Variants in PPP2R2B observed in about 807,000 individuals in gnomAD.
PPP2R2B encodes the protein protein phosphatase 2 regulatory subunit Bbeta, also known as serine/threonine-protein phosphatase 2A 55 kDa regulatory subunit B beta isoform.
In PPP2R2B, 5 loss-of-function variants were observed where a neutral mutation model predicts 46.0. That is an observed-to-expected ratio of 0.11 (90% CI 0.06 to 0.23). The LOEUF (loss-of-function observed/expected upper bound fraction) is 0.23. Among genes scored for constraint, PPP2R2B ranks in the 10% least tolerant of loss-of-function variants. The pLI, the probability that PPP2R2B is intolerant of heterozygous loss-of-function variation, is 1.00. For missense variants in PPP2R2B, 367 were observed against 575.0 expected, an observed-to-expected ratio of 0.64 and a Z score of 3.70; for synonymous variants, 215 against 206.7, an observed-to-expected ratio of 1.04 and a Z score of -0.34.
Position 146,585,968 on chromosome 5 carries a change from C to T in PPP2R2B, c.*3979G>A, listed in dbSNP as rs1039973839. 2.6e-5 allele frequency: 4 copies of T among 152,144 alleles called. No homozygotes were observed. The highest frequency in any genetic ancestry group is 4.4e-5 in the Non-Finnish European group (3 of 68,048). 9.4% of individuals were successfully genotyped at this position (152,144 alleles called of 1,614,324 possible). A position where few individuals can be genotyped will look rare whatever the true frequency, so the allele number is the denominator to read the frequency against. ...CTGTCTCCCAGTCTCATCCTTTTTC[C>T]ACTGACCAGGTTGGTTGCTCCCTTG... is the stretch of plus-strand genomic sequence containing the variant. On this transcript the variant is annotated 3_prime_UTR_variant, in exon 10 of 10. Coordinates refer to ENST00000394411, the MANE Select transcript of PPP2R2B (RefSeq NM_181675.4).
intron 2 of PPP2R2B, among the ~76,000 whole-genome samples, chr5:146,767,608 AAAAATTGAGTACAAGCTATAGAG>A (rs763661498): frequency 1.3e-5 from 2 of 152,126 alleles, no homozygotes; most frequent in Non-Finnish European, 2.9e-5. Context: ...AAGTTCACAG[AAAAATTGAGTACAAGCTATAGAG>A]ATTTCCCATA....
chr5:146,791,220 C>A (rs1010014182), intron 2 of PPP2R2B, among the ~76,000 whole-genome samples: 3 of 152,154 alleles, frequency 2.0e-5, no homozygotes, highest in Non-Finnish European at 4.4e-5. Flanking sequence ...CACACCATAT[C>A]TTACATTAGC....
At chr5:146,961,690 C>T (rs1752179310) in intron 1 of PPP2R2B, among the ~76,000 whole-genome samples, 1 of 152,064 alleles carries the variant, frequency 6.6e-6, no homozygotes. Flanking sequence ...ATTTTTATAG[C>T]CTGAAATTTG....
At chr5:146,902,216 T>C (rs772911902) in intron 1 of PPP2R2B, among the ~76,000 whole-genome samples, 15 of 152,112 alleles carry the variant, frequency 9.9e-5, no homozygotes, top group Non-Finnish European at 1.6e-4. Context: ...TTTCCAAATA[T>C]TTATTGAAAA....
chr5:146,877,865 C>T, intron 2 of PPP2R2B, 137 bp downstream of exon 2: 4 of 1,034,902 alleles, frequency 3.9e-6, no homozygotes, highest in Admixed American at 2.8e-5. Context: ...CTGGGGCTGC[C>T]GGGGCCAGCC....
intron 1 of PPP2R2B, among the ~76,000 whole-genome samples, chr5:147,049,751 G>A (rs1011814043): frequency 2.2e-4 from 34 of 152,232 alleles, no homozygotes; most frequent in African/African-American, 8.2e-4. Flanking sequence ...GAGGGCTGCA[G>A]TGGGAAGAGG....
intron 2 of PPP2R2B, among the ~76,000 whole-genome samples, chr5:146,737,733 T>C (rs931494263): frequency 4.6e-5 from 7 of 152,178 alleles, no homozygotes; most frequent in Non-Finnish European, 2.9e-5. Context: ...TCAGGTGTTA[T>C]ATTTATGGTG....
chr5:146,827,265 A>G (rs543349176), intron 2 of PPP2R2B, among the ~76,000 whole-genome samples: 1 of 152,198 alleles, frequency 6.6e-6, no homozygotes, highest in African/African-American at 2.4e-5. Flanking sequence ...CTCCTAAGTG[A>G]ATTTATTTTA....
chr5:146,975,870 C>T (rs916140164), intron 1 of PPP2R2B, among the ~76,000 whole-genome samples: 1 of 151,958 alleles, frequency 6.6e-6, no homozygotes, highest in South Asian at 2.1e-4. Context: ...ACATATTCTG[C>T]ATATTGATCC....
chr5:146,644,927 C>T (rs1027685360), intron 6 of PPP2R2B, among the ~76,000 whole-genome samples: 2 of 152,186 alleles, frequency 1.3e-5, no homozygotes, highest in Non-Finnish European at 2.9e-5. Context: ...CTAATACTGA[C>T]ATGCGTATTT....
intron 1 of PPP2R2B, among the ~76,000 whole-genome samples, chr5:147,042,951 T>A (rs1252286844): frequency 1.3e-5 from 2 of 151,806 alleles, no homozygotes; most frequent in Non-Finnish European, 1.5e-5. Context: ...CAGCAATGAG[T>A]CCAGTGTGGC....
intron 1 of PPP2R2B, among the ~76,000 whole-genome samples, chr5:146,967,859 G>A (rs1481509631): frequency 4.6e-5 from 7 of 152,092 alleles, no homozygotes; most frequent in East Asian, 1.9e-4. Flanking sequence ...AAGAGAGACC[G>A]ACTCAGCCAA....
intron 1 of PPP2R2B, among the ~76,000 whole-genome samples, chr5:147,024,827 G>T (rs751139574): frequency 6.6e-6 from 1 of 152,020 alleles, no homozygotes; most frequent in Non-Finnish European, 1.5e-5. Context: ...ACACTTAGAA[G>T]AAAATTTATA....
chr5:146,886,124 G>GC (rs1762314655), intron 1 of PPP2R2B, among the ~76,000 whole-genome samples: 1 of 152,136 alleles, frequency 6.6e-6, no homozygotes, highest in East Asian at 1.9e-4. Context: ...GGATCACGAG[G>GC]TCAGGAGATC....
chr5:146,824,724 T>C (rs2151338398), intron 2 of PPP2R2B, among the ~76,000 whole-genome samples: 1 of 150,888 alleles, frequency 6.6e-6, no homozygotes, highest in South Asian at 2.1e-4. Flanking sequence ...TTGAGAAAAA[T>C]GCAAGAATCA....
chr5:146,931,909 C>T (rs1374799581), intron 1 of PPP2R2B, among the ~76,000 whole-genome samples: 2 of 152,138 alleles, frequency 1.3e-5, no homozygotes, highest in Non-Finnish European at 2.9e-5. Flanking sequence ...TGAGTGCACG[C>T]ATGGCATATG....
intron 5 of PPP2R2B, among the ~76,000 whole-genome samples, chr5:146,654,196 G>A (rs546383242): frequency 1.3e-5 from 2 of 152,274 alleles, no homozygotes; most frequent in Non-Finnish European, 2.9e-5. Flanking sequence ...ACTCCAAGGT[G>A]TTATCTCCTC....
Position 146,698,141 on chromosome 5 carries a change from T to G in PPP2R2B, c.172A>C (p.Lys58Gln). The change falls in exon 4 of 10, where the codon AAA becomes CAA. Residue 58 changes from lysine to glutamine, a missense_variant. Lys to Gln is a moderately conservative substitution (Grantham distance 53, BLOSUM62 1). Coordinates refer to ENST00000394411, the MANE Select transcript of PPP2R2B (RefSeq NM_181675.4). ...VVIFQREQES[K>Q]NQVHRRGEYN... ...TCACCCCTACGATGAACCTGATTTTTACTCTGTAGGAAAGGAAAAAAATAC... is the reference window on the plus strand; with the variant it reads ...TCACCCCTACGATGAACCTGATTTTGACTCTGTAGGAAAGGAAAAAAATAC... 6.3e-7 allele frequency: 1 copy of G among 1,591,352 alleles called. No individual in the cohort carries two copies. The highest frequency in any genetic ancestry group is 8.5e-7 in the Non-Finnish European group (1 of 1,172,892).
At chr5:146,832,718 AC>A (rs1759037028) in intron 2 of PPP2R2B, among the ~76,000 whole-genome samples, 1 of 151,886 alleles carries the variant, frequency 6.6e-6, no homozygotes, top group Non-Finnish European at 1.5e-5. Flanking sequence ...TCATATTTTT[AC>A]TATGCTTTTT....
Sources: allele counts gnomAD v4.1 joint callset (sites outside exome capture counted in the v4.1 genomes callset), GRCh38; gene constraint gnomAD v4.1.1; transcripts MANE v1.5; gene names NCBI Gene and HGNC (gene_info 2026-07-23, HGNC 2026-07-21).